The following PLK1 variants were observed in gnomAD, a reference collection of about 807,000 sequenced individuals.
PLK1 encodes the protein serine/threonine-protein kinase PLK1.
PLK1 carries 6 observed loss-of-function variants against 56.7 expected under a neutral mutation model. The observed-to-expected ratio is 0.11, with a 90% CI of 0.06 to 0.21. The LOEUF (loss-of-function observed/expected upper bound fraction) is 0.21. Ranked by LOEUF, PLK1 falls within the 10% of genes least tolerant of loss-of-function variation. The pLI is 1.00. For missense variants in PLK1, 546 were observed against 814.4 expected (o/e 0.67, Z 4.01); for synonymous variants, 298 against 325.0 (o/e 0.92, Z 0.89).
intron 5 of PLK1, 159 bp from the exon 6 acceptor site, chr16:23,687,310 T>C: frequency 1.8e-6 from 1 of 566,020 alleles, no homozygotes; most frequent in Middle Eastern, 5.2e-4. Context: ...ACTATGTGCC[T>C]GTCACCTGAG....
chr16:23,682,211 T>G, intron 4 of PLK1, 54 bp downstream of exon 4: 1 of 1,000,920 alleles, frequency 1.0e-6, no homozygotes, highest in Non-Finnish European at 1.6e-6. Context: ...AGAAGCTGTT[T>G]ATGGAGCCCA....
In PLK1 at chr16:23,689,192, C is replaced by A. The variant is rs1959488953; in HGVS notation, c.1271-46C>A. The A allele has an allele frequency of 2.6e-6, 4 of 1,565,798 alleles. No individual in the cohort carries two copies. Among genetic ancestry groups the A allele is most frequent in the African/African-American group, 1.3e-5 (1 of 74,092 alleles). ...TGCCACCACGCCCGGTCCCACTCCCCACTTTCTATTCCCCCTTTCTGAGAC... is the reference window on the plus strand; with the variant it reads ...TGCCACCACGCCCGGTCCCACTCCCAACTTTCTATTCCCCCTTTCTGAGAC... On this transcript the variant is annotated intron_variant, in intron 7 of 9. Transcript: ENST00000300093. This position sits in a 1 kb window ranked among gnomAD's most constrained non-coding sequence, Gnocchi z 4.8.
chr16:23,678,967 G>A lies in PLK1; in HGVS notation c.35G>A (p.Arg12Gln). The A allele has an allele frequency of 2.5e-6, 4 of 1,582,464 alleles. No homozygotes were observed. Among genetic ancestry groups the A allele is most frequent in the Non-Finnish European group, 3.4e-6 (4 of 1,164,770 alleles). The change falls in exon 1 of 10, where the codon CGG (arginine) becomes CAG (glutamine). Residue 12 changes from arginine to glutamine, a missense_variant. Arg to Gln is a conservative substitution (Grantham distance 43, BLOSUM62 1). Transcript: ENST00000300093. ...SAAVTAGKLA[R>Q]APADPGKAGV... is the part of the protein sequence containing the mutation. ...GCAGTGACTGCAGGGAAGCTGGCAC[G>A]GGCACCGGCCGACCCTGGGAAAGCC...
chr16:23,680,051 C>T, intron 1 of PLK1, 33 bp from the exon 2 acceptor site: 2 of 1,551,812 alleles, frequency 1.3e-6, no homozygotes, highest in African/African-American at 1.4e-5. Flanking sequence ...ATCCACCTCC[C>T]CATCCCTCCT....
chr16:23,689,898 C>T lies in PLK1; in HGVS notation c.1647C>T (p.Ala549=), dbSNP rs767283983. Residue 549 remains alanine (A), a synonymous_variant, in exon 10 of 10, where the codon GCC becomes GCT. Coordinates refer to ENST00000300093, the MANE Select transcript of PLK1 (RefSeq NM_005030.6). The surrounding 1 kb of genome is among the most constrained non-coding windows in gnomAD (Gnocchi z 4.8). ...TCATCTTGTGCCCACTGATGGCAGC[C>T]GTGACCTACATCGACGAGAAGCGGG... is the stretch of plus-strand genomic sequence containing the variant. ...TKLILCPLMA[A]VTYIDEKRDF... 1.9e-5 allele frequency: 30 copies of T among 1,613,984 alleles called. No homozygotes were observed. The Admixed American group carries it at 2.3e-4, about 13-fold the overall frequency.
rs1278321103 is a variant in PLK1, at chr16:23,678,960, C to A, written c.28C>A (p.Leu10Met). The change falls in exon 1 of 10, where the codon CTG (leucine) becomes ATG (methionine). Residue 10 changes from leucine (L) to methionine (M), a missense_variant. Physicochemically the swap from Leu to Met is conservative, Grantham distance 15. Coordinates refer to ENST00000300093, the MANE Select transcript of PLK1 (RefSeq NM_005030.6). The stretch of plus-strand genomic sequence containing the variant: ...GAGTGCTGCAGTGACTGCAGGGAAG[C>A]TGGCACGGGCACCGGCCGACCCTGG... Reference protein sequence around the residue: MSAAVTAGKLARAPADPGKA... With the variant: MSAAVTAGKMARAPADPGKA... 7 of 1,575,726 alleles carry A rather than the reference C, an allele frequency of 4.4e-6. No individual in the cohort carries two copies. Among genetic ancestry groups the A allele is most frequent in the Non-Finnish European group, 5.2e-6 (6 of 1,161,100 alleles).
chr16:23,680,318 G>T, intron 2 of PLK1, 66 bp downstream of exon 2: 1 of 1,441,710 alleles, frequency 6.9e-7, no homozygotes, highest in African/African-American at 1.4e-5. Flanking sequence ...GAGGAGGCTG[G>T]GAGAAAGGAA....
chr16:23,679,362 C>T (rs763451102), intron 1 of PLK1, 22 bp downstream of exon 1: 2 of 1,595,838 alleles, frequency 1.3e-6, no homozygotes. Context: ...TGCTGGGGAA[C>T]TGGAACTGCC....
chr16:23,683,282 G>A (rs912726383), intron 4 of PLK1, among the ~76,000 whole-genome samples: 3 of 152,052 alleles, frequency 2.0e-5, no homozygotes, highest in African/African-American at 7.3e-5. Flanking sequence ...GTGAGCCACC[G>A]CGCCCGGCCA....
At position 23,680,114 on chromosome 16, in the gene PLK1, G is replaced by A. The variant is rs751015580; in HGVS notation, c.439G>A (p.Ala147Thr). 6.2e-7 allele frequency: 1 copy of A among 1,614,012 alleles called. No individual in the cohort carries two copies. Residue 147 changes from alanine (A) to threonine (T), a missense_variant, in exon 2 of 10, where the codon GCC becomes ACC. Around this residue, in one of 7 missense-constraint regions of PLK1, gnomAD observed 111 missense variants for 211.8 expected, o/e 0.52. Coordinates refer to ENST00000300093, the MANE Select transcript of PLK1 (RefSeq NM_005030.6). ...SLLELHKRRK[A>T]LTEPEARYYL... ...CCTGGAGCTGCACAAGAGGAGGAAA[G>A]CCCTGACTGAGCCTGAGGCCCGATA...
intron 1 of PLK1, 43 bp downstream of exon 1, chr16:23,679,383 T>G: frequency 6.4e-7 from 1 of 1,573,402 alleles, no homozygotes; most frequent in Non-Finnish European, 8.6e-7. Context: ...TGCGGGGCAG[T>G]TGGAGCGCCC....
intron 5 of PLK1, among the ~76,000 whole-genome samples, 155 bp downstream of exon 5, chr16:23,684,244 G>A (rs929597211): frequency 6.6e-6 from 1 of 152,156 alleles, no homozygotes; most frequent in South Asian, 2.1e-4. Flanking sequence ...TCTGCTTCTC[G>A]GCCCTGCCAG....
At position 23,689,908 on chromosome 16, in the gene PLK1, A is replaced by G; in HGVS notation, c.1657A>G (p.Ile553Val). Residue 553 changes from isoleucine (I) to valine (V), a missense_variant, in exon 10 of 10, where the codon ATC becomes GTC. By Grantham distance (29) the Ile-to-Val change is conservative. Transcript: ENST00000300093. This position sits in a 1 kb window ranked among gnomAD's most constrained non-coding sequence, Gnocchi z 4.8. ...LCPLMAAVTY[I>V]DEKRDFRTYR... ...CCCACTGATGGCAGCCGTGACCTACATCGACGAGAAGCGGGACTTCCGCAC... is the reference window on the plus strand; with the variant it reads ...CCCACTGATGGCAGCCGTGACCTACGTCGACGAGAAGCGGGACTTCCGCAC... The G allele has an allele frequency of 6.2e-7, 1 of 1,614,142 alleles. No homozygotes were observed. The highest frequency in any genetic ancestry group is 1.1e-5 in the South Asian group (1 of 91,076).
In PLK1 at chr16:23,681,066, G is replaced by A. The variant is rs764473131; in HGVS notation, c.722+8G>A. On this transcript the variant is annotated splice_region_variant and intron_variant, in intron 3 of 9. Transcript: ENST00000300093. ...GTCCATTGGGTGTATCATGTAAGTT[G>A]GGAGTTGTCTCTGGACCAACCTGGT... is the stretch of plus-strand genomic sequence containing the variant. The A allele has an allele frequency of 3.1e-6, 5 of 1,611,660 alleles. No homozygotes were observed. The highest frequency in any genetic ancestry group is 4.2e-6 in the Non-Finnish European group (5 of 1,179,056).
At position 23,689,459 on chromosome 16, in the gene PLK1, C is replaced by T. The variant is rs1567240853; in HGVS notation, c.1426-35C>T. 2.5e-6 allele frequency: 4 copies of T among 1,600,004 alleles called. No homozygotes were observed. In the South Asian group the frequency reaches 4.4e-5, roughly 18 times the overall value. ...GGGACCTGTGCTGGAGGATCAGACT[C>T]TAATTCTGGAACCCCTTACCTACTT... On this transcript the variant is annotated intron_variant, in intron 8 of 9. Coordinates refer to ENST00000300093, the MANE Select transcript of PLK1 (RefSeq NM_005030.6). The surrounding 1 kb of genome is among the most constrained non-coding windows in gnomAD (Gnocchi z 4.8).
chr16:23,683,367 A>G (rs1192021390), intron 4 of PLK1, among the ~76,000 whole-genome samples: 1 of 152,202 alleles, frequency 6.6e-6, no homozygotes, highest in African/African-American at 2.4e-5. Context: ...CCTAGCACAC[A>G]GCCAGTTTGA....
rs200448904 is a variant in PLK1 at position 23,679,350 on chromosome 16, G to T, written c.408+10G>T. The T allele has an allele frequency of 1.2e-6, 2 of 1,605,050 alleles. No homozygotes were observed. Among genetic ancestry groups the T allele is most frequent in the Non-Finnish European group, 8.5e-7 (1 of 1,174,884 alleles). ...GCTCTGCCGCCGGAGGGTGAGTGTC[G>T]CTGCTGGGGAACTGGAACTGCCTGC... is the stretch of plus-strand genomic sequence containing the variant. On this transcript the variant is annotated intron_variant, in intron 1 of 9. Transcript: ENST00000300093.
intron 6 of PLK1, chr16:23,687,949 C>T (rs906158695): frequency 5.6e-6 from 1 of 178,562 alleles, no homozygotes; most frequent in South Asian, 2.0e-4. Context: ...GGTCCTGGCA[C>T]GAAAGCACTT....
chr16:23,682,752 G>A (rs1446773938), intron 4 of PLK1, among the ~76,000 whole-genome samples: 6 of 147,624 alleles, frequency 4.1e-5, no homozygotes, highest in African/African-American at 1.5e-4. Flanking sequence ...GGCTGGTCTC[G>A]AACTCCTGAC....
Sources: allele counts gnomAD v4.1 joint callset (sites outside exome capture counted in the v4.1 genomes callset), GRCh38; gene constraint gnomAD v4.1.1; regional missense constraint gnomAD v4.1.1; non-coding constraint Gnocchi (gnomAD v3.1); transcripts MANE v1.5; gene names NCBI Gene and HGNC (gene_info 2026-07-23, HGNC 2026-07-21).